Variants in PHACTR1 observed in about 807,000 individuals in gnomAD.
PHACTR1 encodes phosphatase and actin regulator 1, also known as RPEL repeat containing 1.
PHACTR1 carries 16 observed loss-of-function variants against 69.2 expected under a neutral mutation model. The ratio of observed to expected loss-of-function variants is 0.23; its 90% confidence interval spans 0.16 to 0.35. PHACTR1 has a LOEUF of 0.35. PHACTR1 is among the 10% of genes least tolerant of loss of function. PHACTR1 has a pLI of 1.00. For missense variants in PHACTR1, 510 were observed against 734.7 expected, an observed-to-expected ratio of 0.69 and a Z score of 3.54; for synonymous variants, 312 against 284.5, an observed-to-expected ratio of 1.10 and a Z score of -0.97.
At position 13,283,171 on chromosome 6, in the gene PHACTR1, A is replaced by G; in HGVS notation, c.1510-251A>G. On this transcript the variant is annotated intron_variant, in intron 12 of 14. Transcript: ENST00000332995. This position sits in a 1 kb window ranked among gnomAD's most constrained non-coding sequence, Gnocchi z 4.7. ...TTTTTTTAAGTTTAAAAAAAAAAAG[A>G]GCTTGGCCTAGAGGGTATGTAAGGG... is the stretch of plus-strand genomic sequence containing the variant. 3.4e-6 allele frequency: 1 copy of G among 296,448 alleles called. No individual in the cohort carries two copies. Among genetic ancestry groups the G allele is most frequent in the Non-Finnish European group, 6.1e-6 (1 of 164,808 alleles). The allele number at this position is 296,448 out of a possible 1,614,324, so 18.4% of individuals were successfully genotyped here.
In PHACTR1 at chr6:13,092,154, G is replaced by A. The variant is rs141268588; in HGVS notation, c.415+38625G>A. 8.6e-3 allele frequency among the ~76,000 whole-genome samples: 1,302 copies of A among 152,230 alleles called. 9 individuals carry two copies. Among genetic ancestry groups the A allele is most frequent in the Non-Finnish European group, 0.013 (862 of 68,018 alleles). Reference sequence around the variant, plus strand: ...TGATCTGACAGGAGACGGAGCTCAGGTGGTAATGCAAGTGATGGGCAGTGG... The same window carrying A: ...TGATCTGACAGGAGACGGAGCTCAGATGGTAATGCAAGTGATGGGCAGTGG... On this transcript the variant is annotated intron_variant, in intron 5 of 14. Transcript: ENST00000332995.
At chr6:12,976,802 G>C (rs1452504292) in intron 4 of PHACTR1, among the ~76,000 whole-genome samples, 2 of 152,064 alleles carry the variant, frequency 1.3e-5, no homozygotes, top group African/African-American at 4.8e-5. Flanking sequence ...AACTGTCCTG[G>C]TGTCACAGTG....
At chr6:13,095,624 G>A (rs1041019431) in intron 5 of PHACTR1, among the ~76,000 whole-genome samples, 1 of 152,138 alleles carries the variant, frequency 6.6e-6, no homozygotes, top group African/African-American at 2.4e-5. Flanking sequence ...TCTGCTCACA[G>A]CTGGAAGGTC....
intron 4 of PHACTR1, among the ~76,000 whole-genome samples, chr6:12,825,134 C>G (rs989721028): frequency 1.3e-5 from 2 of 151,996 alleles, no homozygotes; most frequent in African/African-American, 2.4e-5. Context: ...CACACAGACA[C>G]ACACACACAC....
intron 4 of PHACTR1, among the ~76,000 whole-genome samples, chr6:13,042,119 G>T (rs1480943426): frequency 6.6e-6 from 1 of 152,152 alleles, no homozygotes; most frequent in Non-Finnish European, 1.5e-5. Flanking sequence ...CCATTAAAAG[G>T]CTAAATTGTA....
chr6:12,726,456 A>C (rs1325599500), intron 3 of PHACTR1, among the ~76,000 whole-genome samples: 1 of 152,138 alleles, frequency 6.6e-6, no homozygotes, highest in Non-Finnish European at 1.5e-5. Context: ...TCCTGTTTTT[A>C]TACTTTTTGG....
chr6:12,939,793 C>T (rs995602063), intron 4 of PHACTR1, among the ~76,000 whole-genome samples: 1 of 152,266 alleles, frequency 6.6e-6, no homozygotes, highest in Admixed American at 6.5e-5. Flanking sequence ...CAGAACTTTA[C>T]CTCCAATGCC....
intron 4 of PHACTR1, among the ~76,000 whole-genome samples, chr6:13,034,268 C>A (rs1248568981): frequency 6.6e-6 from 1 of 152,134 alleles, no homozygotes; most frequent in Non-Finnish European, 1.5e-5. Flanking sequence ...CCGCCCGCCT[C>A]GGCCTCCCAA....
chr6:12,824,767 A>G (rs1288017118), intron 4 of PHACTR1, among the ~76,000 whole-genome samples: 1 of 152,138 alleles, frequency 6.6e-6, no homozygotes, highest in Non-Finnish European at 1.5e-5. Flanking sequence ...TCAGGAAATT[A>G]ACTTTAGTAT....
At chr6:12,754,369 T>C (rs1280474501) in intron 4 of PHACTR1, among the ~76,000 whole-genome samples, 2 of 152,176 alleles carry the variant, frequency 1.3e-5, no homozygotes, top group Non-Finnish European at 2.9e-5. Flanking sequence ...TGCTGAAGAA[T>C]GCCAGTGTGT....
At chr6:12,816,664 G>T (rs756313166) in intron 4 of PHACTR1, among the ~76,000 whole-genome samples, 3 of 152,168 alleles carry the variant, frequency 2.0e-5, no homozygotes, top group Non-Finnish European at 4.4e-5. Context: ...TATAAAAATG[G>T]CAATAGGCAC....
chr6:13,220,955 G>T (rs1768513848), intron 8 of PHACTR1, among the ~76,000 whole-genome samples: 1 of 152,168 alleles, frequency 6.6e-6, no homozygotes, highest in African/African-American at 2.4e-5. Context: ...GGGGGTAAAT[G>T]CTTAGCCTGT....
At chr6:13,154,613 T>A (rs1757909226) in intron 5 of PHACTR1, among the ~76,000 whole-genome samples, 1 of 152,198 alleles carries the variant, frequency 6.6e-6, no homozygotes, top group Non-Finnish European at 1.5e-5. Flanking sequence ...TACAGATGTT[T>A]GCTTAAAGGG....
chr6:12,752,262 T>C (rs1766712436), intron 4 of PHACTR1, among the ~76,000 whole-genome samples: 1 of 152,230 alleles, frequency 6.6e-6, no homozygotes, highest in South Asian at 2.1e-4. Context: ...CAGCCTTGTT[T>C]ATCTCCTTAA....
rs139657624 is a variant in PHACTR1, at chr6:13,055,526, T to A, written c.415+1997T>A. Among the ~76,000 whole-genome samples, 1,445 of 152,204 alleles carry A rather than the reference T, an allele frequency of 9.5e-3. 19 individuals carry two copies. The highest frequency in any genetic ancestry group is 0.027 in the African/African-American group (1,135 of 41,544). On this transcript the variant is annotated intron_variant, in intron 5 of 14. Transcript: ENST00000332995. ...AGTGTTTTGTAAGCATTGAAAAAAA[T>A]ATATATATATAAAACAAAGATGCCA...
intron 4 of PHACTR1, among the ~76,000 whole-genome samples, chr6:12,850,433 C>T (rs994382979): frequency 6.6e-6 from 1 of 152,222 alleles, no homozygotes; most frequent in African/African-American, 2.4e-5. Context: ...AATTTTTTGC[C>T]ATCCCTTCTG....
chr6:12,833,555 G>A (rs899175679), intron 4 of PHACTR1, among the ~76,000 whole-genome samples: 20 of 152,058 alleles, frequency 1.3e-4, no homozygotes, highest in East Asian at 1.9e-4. Flanking sequence ...CACTGTGCCC[G>A]GCCAAACCTC....
intron 10 of PHACTR1, among the ~76,000 whole-genome samples, chr6:13,232,603 C>A (rs373764362): frequency 2.0e-5 from 3 of 152,218 alleles, no homozygotes; most frequent in South Asian, 4.1e-4. Context: ...GAACTGAAAT[C>A]TGTCCATGCC....
chr6:12,879,641 A>G (rs1782885181), intron 4 of PHACTR1, among the ~76,000 whole-genome samples: 1 of 152,216 alleles, frequency 6.6e-6, no homozygotes, highest in South Asian at 2.1e-4. Context: ...TCAATAGCCA[A>G]CACATATTGA....
Sources: gnomAD v4.1 joint callset for allele counts (sites outside exome capture counted in the v4.1 genomes callset) on GRCh38, gnomAD v4.1.1 for gene constraint, Gnocchi (gnomAD v3.1) non-coding constraint, MANE v1.5 for transcripts, NCBI Gene and HGNC (gene_info 2026-07-23, HGNC 2026-07-21) for gene names.